The following KCNH5 variants were observed in gnomAD, a reference collection of about 807,000 sequenced individuals.
KCNH5 encodes the protein voltage-gated delayed rectifier potassium channel KCNH5.
Under a neutral mutation model 96.1 loss-of-function variants are expected in KCNH5, and 46 were observed. That is an observed-to-expected ratio of 0.48 (90% CI 0.38 to 0.61). KCNH5 has a LOEUF of 0.61. Ranked by LOEUF, KCNH5 falls within the 20% of genes least tolerant of loss-of-function variation. The pLI, the probability that KCNH5 is intolerant of heterozygous loss-of-function variation, is 0.00. For synonymous variants in KCNH5, 439 were observed against 449.8 expected (o/e 0.98, Z 0.30); for missense variants, 907 against 1,225.8 (o/e 0.74, Z 3.88).
intron 8 of KCNH5, among the ~76,000 whole-genome samples, chr14:62,820,683 T>C (rs1272230109): frequency 6.6e-6 from 1 of 152,224 alleles, no homozygotes; most frequent in African/African-American, 2.4e-5. Flanking sequence ...TTCTTTTTTA[T>C]GGTTGCATAG....
At chr14:62,843,246 G>A (rs1887621553) in intron 8 of KCNH5, among the ~76,000 whole-genome samples, 2 of 152,066 alleles carry the variant, frequency 1.3e-5, no homozygotes, top group African/African-American at 4.8e-5. Flanking sequence ...AAAATATCCA[G>A]CAGAAGTTGA....
chr14:62,818,179 G>T (rs1887038924), intron 8 of KCNH5, among the ~76,000 whole-genome samples: 1 of 146,688 alleles, frequency 6.8e-6, no homozygotes, highest in Non-Finnish European at 1.5e-5. Context: ...AAATGAATAA[G>T]TTCTAGAGAC....
At chr14:62,992,224 A>G (rs1890822580) in intron 4 of KCNH5, among the ~76,000 whole-genome samples, 1 of 152,048 alleles carries the variant, frequency 6.6e-6, no homozygotes, top group African/African-American at 2.4e-5. Context: ...TTATCCAGTC[A>G]TCCACTGATG....
At chr14:62,901,337 C>G (rs181832654) in intron 7 of KCNH5, among the ~76,000 whole-genome samples, 1 of 151,832 alleles carries the variant, frequency 6.6e-6, no homozygotes, top group East Asian at 1.9e-4. Flanking sequence ...ACCCAGATAC[C>G]GAGGATAGTA....
intron 8 of KCNH5, among the ~76,000 whole-genome samples, chr14:62,848,610 ACCTGC>A (rs1887744252): frequency 6.6e-6 from 1 of 151,900 alleles, no homozygotes; most frequent in African/African-American, 2.4e-5. Flanking sequence ...TCCTAACAAC[ACCTGC>A]CCTGGCTTAA....
intron 7 of KCNH5, among the ~76,000 whole-genome samples, chr14:62,900,506 G>C (rs1888903444): frequency 1.3e-5 from 2 of 152,106 alleles, no homozygotes; most frequent in South Asian, 4.1e-4. Context: ...TATAATAGCA[G>C]CTTTTCTTTC....
At chr14:62,797,796 A>T (rs2139995136) in intron 9 of KCNH5, among the ~76,000 whole-genome samples, 1 of 152,064 alleles carries the variant, frequency 6.6e-6, no homozygotes, top group South Asian at 2.1e-4. Context: ...GCTCACTGCA[A>T]CCTCAGCCTC....
intron 7 of KCNH5, among the ~76,000 whole-genome samples, chr14:62,904,001 A>T (rs1024555332): frequency 5.3e-5 from 8 of 152,256 alleles, no homozygotes; most frequent in African/African-American, 1.9e-4. Flanking sequence ...TAAGAAACTA[A>T]AACATCTTTG....
intron 6 of KCNH5, among the ~76,000 whole-genome samples, chr14:62,959,546 C>T (rs866903083): frequency 6.6e-6 from 1 of 152,048 alleles, no homozygotes. Context: ...TTTCCCTCTC[C>T]TTTTTTTAAT....
rs1431342142 is a variant in KCNH5 at position 62,980,926 on chromosome 14, A to G, written c.888T>C (p.Asp296=). 2.5e-6 allele frequency: 4 copies of G among 1,614,168 alleles called. No homozygotes were observed. Among genetic ancestry groups the G allele is most frequent in the Non-Finnish European group, 3.4e-6 (4 of 1,180,028 alleles). The change falls in exon 6 of 11, where the codon GAT becomes GAC. Residue 296 remains aspartate, a synonymous_variant. Coordinates refer to ENST00000322893, the MANE Select transcript of KCNH5 (RefSeq NM_139318.5). The part of the protein sequence containing the change: ...MNYLKTWFVI[D]LLSCLPYDII... ...TGTCATAAGGTAAACAAGACAGCAG[A>G]TCGATCACAAACCAAGTTTTCAGAT...
chr14:62,913,883 G>A (rs923220447), intron 7 of KCNH5, among the ~76,000 whole-genome samples: 2 of 152,046 alleles, frequency 1.3e-5, no homozygotes, highest in African/African-American at 4.8e-5. Flanking sequence ...ATCTTGAACA[G>A]AGAAGCAACA....
chr14:62,743,157 C>A (rs1319009123), intron 10 of KCNH5, among the ~76,000 whole-genome samples: 1 of 152,166 alleles, frequency 6.6e-6, no homozygotes, highest in African/African-American at 2.4e-5. Context: ...ATTAAAGATA[C>A]ATGTATAAAG....
In KCNH5 at chr14:62,846,941, C is replaced by G. The variant is rs779780139; in HGVS notation, c.1569+2712G>C. On this transcript the variant is annotated intron_variant, in intron 8 of 10. Transcript: ENST00000322893. ...TCAGCCTCTCGAGTAGCTGGGACTA[C>G]AGGCGCCCGCCAGCACGCCCGGCTA... 1.5e-3 allele frequency among the ~76,000 whole-genome samples: 218 copies of G among 148,628 alleles called. 1 individual carries two copies. Among genetic ancestry groups the G allele is most frequent in the Non-Finnish European group, 2.0e-3 (137 of 67,012 alleles).
intron 7 of KCNH5, among the ~76,000 whole-genome samples, chr14:62,908,043 A>G (rs1465657828): frequency 6.6e-6 from 1 of 152,148 alleles, no homozygotes; most frequent in Non-Finnish European, 1.5e-5. Flanking sequence ...TATTTAAATG[A>G]TTTTCAAACA....
rs78130150 is a variant in KCNH5, at chr14:62,930,357, A to C, written c.1369+19776T>G. On this transcript the variant is annotated intron_variant, in intron 7 of 10. Coordinates refer to ENST00000322893, the MANE Select transcript of KCNH5 (RefSeq NM_139318.5). ...CAAAGTTCTACCTGACAACAGAAAA[A>C]TTCCACGTACCACAACAGGGAGACA... Among the ~76,000 whole-genome samples the C allele has an allele frequency of 8.4e-3, 1,273 of 152,224 alleles. 27 individuals are homozygous for C. The East Asian group carries it at 0.086, about 10-fold the overall frequency.
chr14:62,798,819 T>C (rs1057227465), intron 9 of KCNH5, among the ~76,000 whole-genome samples: 4 of 152,192 alleles, frequency 2.6e-5, no homozygotes, highest in East Asian at 3.8e-4. Flanking sequence ...AGAGACTGTT[T>C]AGTGGCAAGA....
chr14:62,994,023 C>T (rs4606639), intron 4 of KCNH5, among the ~76,000 whole-genome samples: 1 of 152,038 alleles, frequency 6.6e-6, no homozygotes, highest in East Asian at 1.9e-4. Context: ...CAATTAACCT[C>T]TTTGTCATGG....
At position 62,703,663 on chromosome 14, in the gene KCNH5, C is replaced by A. The variant is rs567983685; in HGVS notation, c.*3845G>T. On this transcript the variant is annotated 3_prime_UTR_variant, in exon 11 of 11. Coordinates refer to ENST00000322893, the MANE Select transcript of KCNH5 (RefSeq NM_139318.5). ...AAAAGACTGTTTTTGTCTTTTCCCC[C>A]TTTCCATTAAGATGAGAAGAGAAAT... 1.3e-5 allele frequency: 2 copies of A among 151,838 alleles called. No homozygotes were observed. Among genetic ancestry groups the A allele is most frequent in the African/African-American group, 4.8e-5 (2 of 41,488 alleles). The allele number at this position is 151,838 out of a possible 1,614,324, so 9.4% of individuals were successfully genotyped here.
intron 9 of KCNH5, among the ~76,000 whole-genome samples, chr14:62,781,336 T>C (rs1283500900): frequency 1.3e-5 from 2 of 152,204 alleles, no homozygotes; most frequent in African/African-American, 2.4e-5. Flanking sequence ...ACCACAGGAC[T>C]GAGGTGAAAT....
Sources: allele counts gnomAD v4.1 joint callset (sites outside exome capture counted in the v4.1 genomes callset), GRCh38; gene constraint gnomAD v4.1.1; transcripts MANE v1.5; gene names NCBI Gene and HGNC (gene_info 2026-07-23, HGNC 2026-07-21).